GSDMB: variants seen among roughly 807,000 people sequenced by gnomAD.
GSDMB encodes gasdermin-B.
Under a neutral mutation model 42.9 loss-of-function variants are expected in GSDMB, and 32 were observed. The observed-to-expected ratio is 0.75, with a 90% CI of 0.56 to 1.00. The LOEUF is 1.00. GSDMB is among the 50% of genes least tolerant of loss of function. The pLI is 0.00. For missense variants in GSDMB, 468 were observed against 498.5 expected (o/e 0.94, Z 0.58); for synonymous variants, 175 against 193.7 (o/e 0.90, Z 0.80).
rs2063542215 is a variant in GSDMB, at chr17:39,908,307, C to T, written c.662-93G>A. On this transcript the variant is annotated intron_variant, in intron 5 of 10. Coordinates refer to ENST00000418519, the MANE Select transcript of GSDMB (RefSeq NM_001165958.2). ...CCCTTTCTCCAGTCCCTCTCAATCC[C>T]TATACCAGCCTCCAATCAAAAAAAA... 39 of 528,338 alleles carry T rather than the reference C, an allele frequency of 7.4e-5. No individual in the cohort carries two copies. In the South Asian group the frequency reaches 1.0e-3, roughly 14 times the overall value. 32.7% of individuals were successfully genotyped at this position (528,338 alleles called of 1,614,324 possible).
intron 2 of GSDMB, among the ~76,000 whole-genome samples, chr17:39,914,187 CCT>C (rs2063664797): frequency 1.3e-5 from 2 of 152,082 alleles, no homozygotes; most frequent in South Asian, 4.2e-4. Context: ...AGTACGTACC[CCT>C]GATGTGATGT....
At chr17:39,915,151 T>C (rs886635771) in intron 2 of GSDMB, among the ~76,000 whole-genome samples, 3 of 152,158 alleles carry the variant, frequency 2.0e-5, no homozygotes, top group Admixed American at 6.5e-5. Flanking sequence ...TTTGTATTTT[T>C]AGTAGAGACA....
chr17:39,906,503 C>T (rs1042811101), intron 7 of GSDMB: 8 of 1,284,236 alleles, frequency 6.2e-6, no homozygotes, highest in African/African-American at 1.5e-5. Context: ...CTAGTCCCAA[C>T]CCCAAATTCT....
chr17:39,907,286 A>G, intron 6 of GSDMB: 1 of 946,232 alleles, frequency 1.1e-6, no homozygotes, highest in Non-Finnish European at 1.4e-6. Context: ...AGACTTCTCT[A>G]TCCCTTTCCA....
At chr17:39,912,558 C>T in intron 2 of GSDMB, 61 bp from the exon 3 acceptor site, 1 of 1,355,112 alleles carries the variant, frequency 7.4e-7, no homozygotes, top group Non-Finnish European at 1.1e-6. Flanking sequence ...CTCTCCAAAA[C>T]ACCCTCCCTG....
rs1428864669 is a variant in GSDMB, at chr17:39,905,466, T to C, written c.1058A>G (p.Glu353Gly). 1 of 1,610,088 alleles carries C rather than the reference T, an allele frequency of 6.2e-7. No individual in the cohort carries two copies. Among genetic ancestry groups the C allele is most frequent in the Admixed American group, 1.7e-5 (1 of 59,494 alleles). ...ELSEEQQFVA[E>G]ALEKGTLPLL... Reference sequence around the variant, plus strand: ...AGGAAGGGTCCCCTTCTCCAGGGCCTCAGCCACAAACTGCTGCTCTTCAGA... The same window carrying C: ...AGGAAGGGTCCCCTTCTCCAGGGCCCCAGCCACAAACTGCTGCTCTTCAGA... The change falls in exon 10 of 11, where the codon GAG becomes GGG. Residue 353 changes from glutamate to glycine, a missense_variant. Transcript: ENST00000418519.
In GSDMB at chr17:39,912,868, G is replaced by A. The variant is rs572819075; in HGVS notation, c.236-371C>T. 3.3e-5 allele frequency among the ~76,000 whole-genome samples: 5 copies of A among 152,330 alleles called. No individual in the cohort carries two copies. In the South Asian group the frequency reaches 1.0e-3, roughly 32 times the overall value. ...CGCCTGTAATCCCAGAACTTTGGGA[G>A]GCTGTGGCAGGCAGATCACTTGAGG... On this transcript the variant is annotated intron_variant, in intron 2 of 10. Coordinates refer to ENST00000418519, the MANE Select transcript of GSDMB (RefSeq NM_001165958.2).
At position 39,904,888 on chromosome 17, in the gene GSDMB, C is replaced by T. The variant is rs1438333404; in HGVS notation, c.1175G>A (p.Arg392Gln). ...AACAACATACAGCGCACAGAGAATT[C>T]GTGCCTCAGGGTCATAGTCCATGTC... ...PPDMDYDPEA[R>Q]ILCALYVVVS... The change falls in exon 11 of 11, where the codon CGA (arginine) becomes CAA (glutamine). Residue 392 changes from arginine (R) to glutamine (Q), a missense_variant. Arg to Gln is a conservative substitution (Grantham distance 43, BLOSUM62 1). Coordinates refer to ENST00000418519, the MANE Select transcript of GSDMB (RefSeq NM_001165958.2). 4 of 1,612,578 alleles carry T rather than the reference C, an allele frequency of 2.5e-6. No individual in the cohort carries two copies. The highest frequency in any genetic ancestry group is 1.1e-5 in the South Asian group (1 of 91,042).
intron 7 of GSDMB, 119 bp downstream of exon 7, chr17:39,906,842 G>A: frequency 1.3e-6 from 2 of 1,564,766 alleles, no homozygotes; most frequent in Admixed American, 1.8e-5. Context: ...AACCTGCTAG[G>A]CAGTGCCTCC....
At chr17:39,905,005 G>T (rs376864519) in intron 10 of GSDMB, 41 bp from the exon 11 acceptor site, 13 of 1,567,668 alleles carry the variant, frequency 8.3e-6, no homozygotes, top group Admixed American at 1.7e-5. Flanking sequence ...TAGGAACAAC[G>T]ATATACCAGA....
At chr17:39,918,123 T>C (rs2063748922) in intron 1 of GSDMB, 1 of 152,222 alleles carries the variant, frequency 6.6e-6, no homozygotes, top group South Asian at 2.1e-4. Flanking sequence ...AGCCCCAACG[T>C]TGATGAACAG....
rs771805987 is a variant in GSDMB at position 39,909,941 on chromosome 17, G to C, written c.408-17C>G. The C allele has an allele frequency of 6.2e-7, 1 of 1,605,034 alleles. No homozygotes were observed. The highest frequency in any genetic ancestry group is 8.5e-7 in the Non-Finnish European group (1 of 1,172,500). On this transcript the variant is annotated splice_polypyrimidine_tract_variant and intron_variant, in intron 3 of 10. Coordinates refer to ENST00000418519, the MANE Select transcript of GSDMB (RefSeq NM_001165958.2). ...TTCAGCTTCCTGGAGAGAGTGGAGAGAGATGAGAGTTAAGGATCTCAGGGC... is the reference window on the plus strand; with the variant it reads ...TTCAGCTTCCTGGAGAGAGTGGAGACAGATGAGAGTTAAGGATCTCAGGGC...
intron 2 of GSDMB, among the ~76,000 whole-genome samples, chr17:39,915,069 T>C (rs930732843): frequency 3.3e-5 from 5 of 152,214 alleles, no homozygotes; most frequent in African/African-American, 9.6e-5. Context: ...ACTCCTGGCC[T>C]CAAGTGATCC....
At chr17:39,904,997 G>T in intron 10 of GSDMB, 33 bp from the exon 11 acceptor site, 1 of 1,597,910 alleles carries the variant, frequency 6.3e-7, no homozygotes, top group Non-Finnish European at 8.6e-7. Flanking sequence ...GTAACAGCTA[G>T]GAACAACGAT....
At chr17:39,917,897 G>T in intron 1 of GSDMB, 1 of 155,084 alleles carries the variant, frequency 6.4e-6, no homozygotes, top group South Asian at 2.0e-4. Flanking sequence ...CTTCTAGAAC[G>T]TGAGGCAGCC....
rs2063728584 is a variant in GSDMB at position 39,917,225 on chromosome 17, G to A, written c.92C>T (p.Ala31Val). ...CAGATGGAAGCAGCGGAATCTATCA[G>A]CATCAACAAGGCTTCTAACGGCAAT... ...DMIAVRSLVD[A>V]DRFRCFHLVG... Residue 31 changes from alanine (A) to valine (V), a missense_variant, in exon 2 of 11, where the codon GCT (alanine) becomes GTT (valine). Transcript: ENST00000418519. The A allele has an allele frequency of 6.2e-7, 1 of 1,613,752 alleles. No homozygotes were observed. Among genetic ancestry groups the A allele is most frequent in the African/African-American group, 1.3e-5 (1 of 74,908 alleles).
intron 2 of GSDMB, among the ~76,000 whole-genome samples, chr17:39,913,886 T>C (rs985413445): frequency 7.9e-5 from 12 of 152,300 alleles, no homozygotes; most frequent in Middle Eastern, 3.4e-3. Flanking sequence ...GGGCTGGATT[T>C]CCAAAGACAA....
chr17:39,905,836 C>T lies in GSDMB; in HGVS notation c.1027+11G>A, dbSNP rs757409637. On this transcript the variant is annotated intron_variant, in intron 9 of 10. Coordinates refer to ENST00000418519, the MANE Select transcript of GSDMB (RefSeq NM_001165958.2). ...TCCTCCACCCCAGCCTACAGCGAGA[C>T]CCTTCCTCACCTAGCAGGGCATCCA... The T allele has an allele frequency of 6.2e-7, 1 of 1,613,084 alleles. No individual in the cohort carries two copies. Among genetic ancestry groups the T allele is most frequent in the South Asian group, 1.1e-5 (1 of 91,018 alleles).
intron 7 of GSDMB, 176 bp from the exon 8 acceptor site, chr17:39,906,447 C>A: frequency 1.1e-6 from 1 of 898,170 alleles, no homozygotes; most frequent in Non-Finnish European, 1.6e-6. Flanking sequence ...TCATTGCCTC[C>A]CACTGACCCC....
Sources: allele counts gnomAD v4.1 joint callset (sites outside exome capture counted in the v4.1 genomes callset), GRCh38; gene constraint gnomAD v4.1.1; transcripts MANE v1.5; gene names NCBI Gene and HGNC (gene_info 2026-07-23, HGNC 2026-07-21).